Variants in MGAT5B observed in about 807,000 individuals in gnomAD.
The protein encoded by MGAT5B is N-acetylglucosaminyl-transferase Vb.
In MGAT5B, 54 loss-of-function variants were observed where a neutral mutation model predicts 95.1. That is an observed-to-expected ratio of 0.57 (90% CI 0.46 to 0.71). The LOEUF is 0.71. MGAT5B is among the 30% of genes least tolerant of loss of function. The probability of loss-of-function intolerance (pLI) is 0.00; values close to 1 mark genes in which losing one functional copy is unlikely to be tolerated. For synonymous variants in MGAT5B, 464 were observed against 451.0 expected (o/e 1.03, Z -0.36); for missense variants, 935 against 1,088.6 (o/e 0.86, Z 1.99).
intron 3 of MGAT5B, among the ~76,000 whole-genome samples, chr17:76,893,295 C>T (rs879649171): frequency 6.6e-6 from 1 of 152,142 alleles, no homozygotes; most frequent in Non-Finnish European, 1.5e-5. Context: ...AGCCCAGCAC[C>T]GAGCAGGCAC....
chr17:76,889,919 C>T lies in MGAT5B; in HGVS notation c.329+7621C>T, dbSNP rs1967805902. ...GGACCCTTCAGGCTGCAAGTATGTC[C>T]TGTTGGCCCTGAGGGCTTCCTGATC... On this transcript the variant is annotated intron_variant, in intron 3 of 17. Coordinates refer to ENST00000569840, the MANE Select transcript of MGAT5B (RefSeq NM_001199172.2). The surrounding 1 kb of genome is among the most constrained non-coding windows in gnomAD (Gnocchi z 4.4). 1.3e-5 allele frequency among the ~76,000 whole-genome samples: 2 copies of T among 152,228 alleles called. No individual in the cohort carries two copies. The highest frequency in any genetic ancestry group is 2.9e-5 in the Non-Finnish European group (2 of 68,040).
chr17:76,905,332 A>G lies in MGAT5B; in HGVS notation c.854A>G (p.Gln285Arg). Residue 285 changes from glutamine (Q) to arginine (R), a missense_variant and splice_region_variant, in exon 7 of 18, where the codon CAG (glutamine) becomes CGG (arginine). Physicochemically the swap from Gln to Arg is conservative, Grantham distance 43. Coordinates refer to ENST00000569840, the MANE Select transcript of MGAT5B (RefSeq NM_001199172.2). This position sits in a 1 kb window ranked among gnomAD's most constrained non-coding sequence, Gnocchi z 4.2. ...KLGATQRDQK[Q>R]ILVHIGFLTE... is the part of the protein sequence containing the mutation. The stretch of plus-strand genomic sequence containing the variant: ...GGGGCCACCCAGAGGGACCAGAAGC[A>G]GGTGCGTGGCCCCTGCCCCCTCATG... 6.3e-7 allele frequency: 1 copy of G among 1,585,994 alleles called. No individual in the cohort carries two copies.
chr17:76,940,515 C>T lies in MGAT5B; in HGVS notation c.1698C>T (p.His566=), dbSNP rs766606773. Residue 566 remains histidine, a synonymous_variant, in exon 14 of 18, where the codon CAC becomes CAT. Transcript: ENST00000569840. The surrounding 1 kb of genome is among the most constrained non-coding windows in gnomAD (Gnocchi z 4.3). ...RFSPPHSSLN[H]EFFRGKPTSR... ...GCCCGCCCCACAGCTCCCTCAACCA[C>T]GAGTTCTTCCGAGGCAAGCCCACCT... is the stretch of plus-strand genomic sequence containing the variant. 16 of 1,613,386 alleles carry T rather than the reference C, an allele frequency of 9.9e-6. No homozygotes were observed. The highest frequency in any genetic ancestry group is 1.7e-4 in the Middle Eastern group (1 of 6,056).
At chr17:76,882,105 C>T in intron 2 of MGAT5B, 46 bp from the exon 3 acceptor site, 1 of 1,554,624 alleles carries the variant, frequency 6.4e-7, no homozygotes, top group Non-Finnish European at 8.7e-7. Flanking sequence ...AGGTGGCCTC[C>T]AGGCTGCTCG....
rs367973951 is a variant in MGAT5B at position 76,902,684 on chromosome 17, G to T, written c.445+14G>T. 461 of 1,557,238 alleles carry T rather than the reference G, an allele frequency of 3.0e-4. No individual in the cohort carries two copies. The African/African-American group carries it at 5.7e-3, about 19-fold the overall frequency. On this transcript the variant is annotated intron_variant, in intron 4 of 17. Transcript: ENST00000569840. ...TGCACAGCAAGGGTGGGTGCCAGGG[G>T]GCGGGGGTACCCTCTACCCCTAGGG...
chr17:76,912,483 G>A lies in MGAT5B; in HGVS notation c.1025+6296G>A, dbSNP rs1306648929. Among the ~76,000 whole-genome samples the A allele has an allele frequency of 6.6e-6, 1 of 152,184 alleles. No homozygotes were observed. Among genetic ancestry groups the A allele is most frequent in the Admixed American group, 6.5e-5 (1 of 15,280 alleles). On this transcript the variant is annotated intron_variant, in intron 8 of 17. Coordinates refer to ENST00000569840, the MANE Select transcript of MGAT5B (RefSeq NM_001199172.2). This position sits in a 1 kb window ranked among gnomAD's most constrained non-coding sequence, Gnocchi z 5.0. ...GACAGAAATGTCTCCCTTGGCTGGC[G>A]AAATGACCTGCGTGGGAGGCGGTGG...
chr17:76,925,703 A>C (rs1969291256), intron 9 of MGAT5B, among the ~76,000 whole-genome samples: 1 of 152,106 alleles, frequency 6.6e-6, no homozygotes, highest in East Asian at 1.9e-4. Flanking sequence ...TTCTCTATGC[A>C]CTCGGCTCTC....
At chr17:76,943,473 G>C (rs1049382348) in intron 15 of MGAT5B, among the ~76,000 whole-genome samples, 1 of 152,064 alleles carries the variant, frequency 6.6e-6, no homozygotes, top group African/African-American at 2.4e-5. Flanking sequence ...GCAGATCCTC[G>C]AGCCTATCCC....
chr17:76,880,385 G>T (rs1967365417), intron 2 of MGAT5B, among the ~76,000 whole-genome samples: 1 of 152,178 alleles, frequency 6.6e-6, no homozygotes, highest in African/African-American at 2.4e-5. Context: ...GCCCAGCCAG[G>T]GGGTGACTTA....
At chr17:76,923,154 TGAGCATGCGCAAAGC>T (rs1969174884) in intron 8 of MGAT5B, among the ~76,000 whole-genome samples, 2 of 152,220 alleles carry the variant, frequency 1.3e-5, no homozygotes, top group South Asian at 2.1e-4. Flanking sequence ...CCCGAGCTTC[TGAGCATGCGCAAAGC>T]GAGCATGCAC....
intron 8 of MGAT5B, among the ~76,000 whole-genome samples, chr17:76,922,760 A>C (rs1221679594): frequency 1.3e-5 from 2 of 152,228 alleles, no homozygotes; most frequent in Non-Finnish European, 2.9e-5. Flanking sequence ...AGGGGAAGAC[A>C]GGAAGGTTGG....
At chr17:76,931,391 C>G (rs576540449) in intron 10 of MGAT5B, among the ~76,000 whole-genome samples, 1 of 152,260 alleles carries the variant, frequency 6.6e-6, no homozygotes, top group Non-Finnish European at 1.5e-5. Context: ...GCCACCACAC[C>G]TGGCCTATCC....
At chr17:76,882,604 C>A in intron 3 of MGAT5B, 2 of 284,178 alleles carry the variant, frequency 7.0e-6, no homozygotes, top group Non-Finnish European at 1.3e-5. Flanking sequence ...ATTCCGAGCA[C>A]ATTTGCACAT....
chr17:76,872,093 C>G (rs1412108268), intron 1 of MGAT5B, among the ~76,000 whole-genome samples: 1 of 152,132 alleles, frequency 6.6e-6, no homozygotes, highest in Admixed American at 6.5e-5. Context: ...GCACACACAC[C>G]TATATGACAC....
rs1306131483 is a variant in MGAT5B at position 76,902,605 on chromosome 17, A to T, written c.380A>T (p.Asn127Ile). The T allele has an allele frequency of 1.7e-5, 28 of 1,604,004 alleles. No homozygotes were observed. The highest frequency in any genetic ancestry group is 2.3e-5 in the Non-Finnish European group (27 of 1,175,100). ...LMERIQAIAQ[N>I]VSDIAVKVDQ... ...GAGCGGATCCAGGCTATTGCCCAGA[A>T]CGTCTCCGACATCGCTGTGAAGGTG... Residue 127 changes from asparagine to isoleucine, a missense_variant, in exon 4 of 18, where the codon AAC becomes ATC. Asn to Ile is a moderately radical substitution (Grantham distance 149). Transcript: ENST00000569840.
intron 8 of MGAT5B, among the ~76,000 whole-genome samples, chr17:76,921,847 C>T (rs1969134479): frequency 6.6e-6 from 1 of 152,166 alleles, no homozygotes; most frequent in Non-Finnish European, 1.5e-5. Flanking sequence ...AGTTACTCAG[C>T]CTCTCTGTTT....
At chr17:76,899,720 T>C (rs1968235906) in intron 3 of MGAT5B, among the ~76,000 whole-genome samples, 1 of 151,878 alleles carries the variant, frequency 6.6e-6, no homozygotes, top group South Asian at 2.1e-4. Flanking sequence ...CCCCTGTAGG[T>C]CAGCATGGAA....
chr17:76,917,669 G>C lies in MGAT5B; in HGVS notation c.1026-7297G>C, dbSNP rs569736263. Reference sequence around the variant, plus strand: ...TCTCCCACTGAGACTGCTCGAGTGGGATTGACAGCGGAGTCTTACCCCAAG... The same window carrying C: ...TCTCCCACTGAGACTGCTCGAGTGGCATTGACAGCGGAGTCTTACCCCAAG... On this transcript the variant is annotated intron_variant, in intron 8 of 17. Coordinates refer to ENST00000569840, the MANE Select transcript of MGAT5B (RefSeq NM_001199172.2). The surrounding 1 kb of genome is among the most constrained non-coding windows in gnomAD (Gnocchi z 6.1). Among the ~76,000 whole-genome samples the C allele has an allele frequency of 1.3e-5, 2 of 152,230 alleles. No individual in the cohort carries two copies. Among genetic ancestry groups the C allele is most frequent in the South Asian group, 4.2e-4 (2 of 4,812 alleles).
intron 8 of MGAT5B, among the ~76,000 whole-genome samples, chr17:76,911,691 C>T (rs1170375444): frequency 6.6e-6 from 1 of 152,208 alleles, no homozygotes; most frequent in Non-Finnish European, 1.5e-5. Flanking sequence ...TGTGAGCTCC[C>T]AGGCACATTC....
Sources: allele counts gnomAD v4.1 joint callset (sites outside exome capture counted in the v4.1 genomes callset), GRCh38; gene constraint gnomAD v4.1.1; non-coding constraint Gnocchi (gnomAD v3.1); transcripts MANE v1.5; gene names NCBI Gene and HGNC (gene_info 2026-07-23, HGNC 2026-07-21).